The following QSOX1 variants were observed in gnomAD, a reference collection of about 807,000 sequenced individuals.
The protein encoded by QSOX1 is quiescin sulfhydryl oxidase 1.
In QSOX1, 40 loss-of-function variants were observed where a neutral mutation model predicts 76.1. The observed-to-expected ratio is 0.53, with a 90% CI of 0.41 to 0.68. The LOEUF (loss-of-function observed/expected upper bound fraction) is 0.68. QSOX1 is among the 30% of genes least tolerant of loss of function. QSOX1 has a pLI of 0.00. For synonymous variants in QSOX1, 392 were observed against 413.1 expected, an observed-to-expected ratio of 0.95 and a Z score of 0.62; for missense variants, 931 against 974.3, an observed-to-expected ratio of 0.96 and a Z score of 0.59.
intron 2 of QSOX1, among the ~76,000 whole-genome samples, chr1:180,166,894 C>T (rs1379128517): frequency 1.3e-5 from 2 of 152,198 alleles, no homozygotes; most frequent in Admixed American, 6.5e-5. Context: ...CAAAGGGACC[C>T]CAGACACTCT....
intron 10 of QSOX1, among the ~76,000 whole-genome samples, chr1:180,191,686 C>T (rs565747911): frequency 6.6e-6 from 1 of 152,312 alleles, no homozygotes; most frequent in Admixed American, 6.5e-5. Flanking sequence ...AGTGCCGGAG[C>T]GGGTGCTGTC....
intron 10 of QSOX1, among the ~76,000 whole-genome samples, chr1:180,193,586 G>A (rs568622154): frequency 1.5e-4 from 23 of 151,694 alleles, no homozygotes; most frequent in African/African-American, 4.4e-4. Context: ...TAGGAGGGGC[G>A]TGTTGGATTA....
intron 10 of QSOX1, among the ~76,000 whole-genome samples, chr1:180,193,854 T>C (rs1232749823): frequency 1.3e-5 from 2 of 152,162 alleles, no homozygotes; most frequent in Non-Finnish European, 2.9e-5. Context: ...GGCCAGGGGC[T>C]AGGGCGGTGG....
In QSOX1 at chr1:180,186,188, C is replaced by A. The variant is rs144365485; in HGVS notation, c.1017+6C>A. 1.7e-3 allele frequency: 2,673 copies of A among 1,610,214 alleles called. 46 individuals are homozygous for A. The African/African-American group carries it at 0.03, about 18-fold the overall frequency. ...TTGTGGCAGTGCTGGCCAAGGTGAG[C>A]AGGGCCATGGCTTCCCTTGTCTGTG... On this transcript the variant is annotated splice_donor_region_variant and intron_variant, in intron 8 of 11. Transcript: ENST00000367602.
rs192143927 is a variant in QSOX1 at position 180,155,809 on chromosome 1, G to T, written c.265+637G>T. Among the ~76,000 whole-genome samples the T allele has an allele frequency of 4.0e-3, 608 of 152,270 alleles. 3 individuals carry two copies. Among genetic ancestry groups the T allele is most frequent in the African/African-American group, 0.014 (579 of 41,546 alleles). ...CCGCCTCCAGCTCCTTAGCTTCTGG[G>T]CCACATCCTTCTCTCTCTTCCCCCG... is the stretch of plus-strand genomic sequence containing the variant. On this transcript the variant is annotated intron_variant, in intron 1 of 11. Transcript: ENST00000367602.
chr1:180,184,764 T>C lies in QSOX1; in HGVS notation c.887+714T>C, dbSNP rs542427568. 1.4e-4 allele frequency among the ~76,000 whole-genome samples: 22 copies of C among 152,246 alleles called. No individual in the cohort carries two copies. The South Asian group carries it at 3.5e-3, about 24-fold the overall frequency. On this transcript the variant is annotated intron_variant, in intron 7 of 11. Coordinates refer to ENST00000367602, the MANE Select transcript of QSOX1 (RefSeq NM_002826.5). ...CAGGACGGTGCCCCTCACAAGGGGA[T>C]GCACGAGACAGTGGGGGAAAGGTGA... is the stretch of plus-strand genomic sequence containing the variant.
intron 1 of QSOX1, among the ~76,000 whole-genome samples, chr1:180,165,874 G>C (rs1662603029): frequency 6.6e-6 from 1 of 150,938 alleles, no homozygotes; most frequent in African/African-American, 2.5e-5. Flanking sequence ...TGTGGCCCGG[G>C]GCCTGATGCA....
At chr1:180,169,671 CT>C (rs1662718326) in intron 2 of QSOX1, among the ~76,000 whole-genome samples, 1 of 152,254 alleles carries the variant, frequency 6.6e-6, no homozygotes, top group Non-Finnish European at 1.5e-5. Context: ...ACCCGTGGGG[CT>C]GCTGGTAGCT....
chr1:180,185,644 T>G (rs1361702086), intron 7 of QSOX1, among the ~76,000 whole-genome samples: 1 of 152,188 alleles, frequency 6.6e-6, no homozygotes, highest in East Asian at 1.9e-4. Flanking sequence ...CCATGTCGTG[T>G]GTATGAACCT....
intron 2 of QSOX1, among the ~76,000 whole-genome samples, chr1:180,170,035 G>A (rs951624087): frequency 3.9e-5 from 6 of 152,200 alleles, no homozygotes; most frequent in East Asian, 1.9e-4. Flanking sequence ...TGGGCAGGGC[G>A]AGGTGGCGTG....
rs1663493102 is a variant in QSOX1, at chr1:180,196,505, T to C, written c.1712T>C (p.Leu571Pro). ...APELAMGALE[L>P]ESRNSTLDPG... Reference sequence around the variant, plus strand: ...GAGCTGGCGATGGGAGCCCTGGAGCTGGAAAGCCGGAATTCAACTCTGGAC... The same window carrying C: ...GAGCTGGCGATGGGAGCCCTGGAGCCGGAAAGCCGGAATTCAACTCTGGAC... The change falls in exon 12 of 12, where the codon CTG becomes CCG. Residue 571 changes from leucine to proline, a missense_variant. Coordinates refer to ENST00000367602, the MANE Select transcript of QSOX1 (RefSeq NM_002826.5). The surrounding 1 kb of genome is among the most constrained non-coding windows in gnomAD (Gnocchi z 4.1). The C allele has an allele frequency of 2.5e-6, 4 of 1,613,948 alleles. No individual in the cohort carries two copies. In the South Asian group the frequency reaches 4.4e-5, roughly 18 times the overall value.
rs1322301190 is a variant in QSOX1, at chr1:180,203,705, A to T, written c.*6668A>T. 6.6e-6 allele frequency: 1 copy of T among 152,234 alleles called. No individual in the cohort carries two copies. Among genetic ancestry groups the T allele is most frequent in the Non-Finnish European group, 1.5e-5 (1 of 68,044 alleles). The allele number at this position is 152,234 out of a possible 1,614,324, so 9.4% of individuals were successfully genotyped here. ...TTCATGCTAAATGAAACTAGTTAGG[A>T]GTATATTCATATAACAAGTGGCTAA... On this transcript the variant is annotated 3_prime_UTR_variant, in exon 12 of 12. Coordinates refer to ENST00000367602, the MANE Select transcript of QSOX1 (RefSeq NM_002826.5).
At position 180,197,112 on chromosome 1, in the gene QSOX1, C is replaced by T. The variant is rs1663515904; in HGVS notation, c.*75C>T. ...AAGCCCCCTGACCCCATTCCCTCCCCTCCCACCCCTTGCTCCTTGTCTGGC... is the reference window on the plus strand; with the variant it reads ...AAGCCCCCTGACCCCATTCCCTCCCTTCCCACCCCTTGCTCCTTGTCTGGC... On this transcript the variant is annotated 3_prime_UTR_variant, in exon 12 of 12. Transcript: ENST00000367602. The T allele has an allele frequency of 2.0e-6, 3 of 1,496,022 alleles. No homozygotes were observed. Among genetic ancestry groups the T allele is most frequent in the Non-Finnish European group, 2.7e-6 (3 of 1,122,352 alleles). The allele number at this position is 1,496,022 out of a possible 1,614,324, so 92.7% of individuals were successfully genotyped here.
chr1:180,156,894 A>G (rs1662386298), intron 1 of QSOX1, among the ~76,000 whole-genome samples: 1 of 152,170 alleles, frequency 6.6e-6, no homozygotes, highest in South Asian at 2.1e-4. Flanking sequence ...AGGTTATAAG[A>G]GGTGTTCAGT....
intron 1 of QSOX1, among the ~76,000 whole-genome samples, chr1:180,164,502 G>C (rs928855364): frequency 6.6e-6 from 1 of 152,208 alleles, no homozygotes; most frequent in African/African-American, 2.4e-5. Flanking sequence ...GGGAAAGAAG[G>C]GGGTGGTGTG....
chr1:180,175,392 G>C, intron 3 of QSOX1, 26 bp downstream of exon 3: 1 of 1,610,472 alleles, frequency 6.2e-7, no homozygotes, highest in Middle Eastern at 1.8e-4. Context: ...TGGTTGTCCT[G>C]TTAGCATCTT....
chr1:180,165,433 A>G (rs1233918590), intron 1 of QSOX1, among the ~76,000 whole-genome samples: 3 of 152,164 alleles, frequency 2.0e-5, no homozygotes, highest in Non-Finnish European at 4.4e-5. Flanking sequence ...TCTGGCTCCC[A>G]TGCCTCCCAA....
At position 180,201,577 on chromosome 1, in the gene QSOX1, C is replaced by A. The variant is rs1663639503; in HGVS notation, c.*4540C>A. 6.6e-6 allele frequency: 1 copy of A among 152,362 alleles called. No homozygotes were observed. The highest frequency in any genetic ancestry group is 1.5e-5 in the Non-Finnish European group (1 of 68,142). 9.4% of individuals were successfully genotyped at this position (152,362 alleles called of 1,614,324 possible). On this transcript the variant is annotated 3_prime_UTR_variant, in exon 12 of 12. Transcript: ENST00000367602. ...CAAACTTCAAGAGGAGCAATTTAATCTTCATACCTGACTCCTTGTCCCTCC... is the reference window on the plus strand; with the variant it reads ...CAAACTTCAAGAGGAGCAATTTAATATTCATACCTGACTCCTTGTCCCTCC...
chr1:180,182,965 G>A (rs1231318483), intron 6 of QSOX1, among the ~76,000 whole-genome samples: 1 of 152,174 alleles, frequency 6.6e-6, no homozygotes, highest in Non-Finnish European at 1.5e-5. Flanking sequence ...CGACCCACAC[G>A]GCGCCGGGCA....
Sources: gnomAD v4.1 joint callset for allele counts (sites outside exome capture counted in the v4.1 genomes callset) on GRCh38, gnomAD v4.1.1 for gene constraint, Gnocchi (gnomAD v3.1) non-coding constraint, MANE v1.5 for transcripts, NCBI Gene and HGNC (gene_info 2026-07-23, HGNC 2026-07-21) for gene names.